The following PHACTR3 variants were observed in gnomAD, a reference collection of about 807,000 sequenced individuals.
The protein encoded by PHACTR3 is protein phosphatase 1, regulatory subunit 123.
Under a neutral mutation model 66.8 loss-of-function variants are expected in PHACTR3, and 16 were observed. The observed-to-expected ratio is 0.24, with a 90% CI of 0.16 to 0.36. The LOEUF is 0.36. Among genes scored for constraint, PHACTR3 ranks in the 10% least tolerant of loss-of-function variants. PHACTR3 has a pLI of 1.00. For missense variants in PHACTR3, 647 were observed against 719.9 expected (o/e 0.90, Z 1.16); for synonymous variants, 323 against 292.1 (o/e 1.11, Z -1.08).
At chr20:59,763,149 A>C (rs550968431) in intron 4 of PHACTR3, among the ~76,000 whole-genome samples, 1 of 152,304 alleles carries the variant, frequency 6.6e-6, no homozygotes, top group African/African-American at 2.4e-5. Flanking sequence ...CTATTCTCAC[A>C]ATAGTGAGTT....
intron 1 of PHACTR3, among the ~76,000 whole-genome samples, chr20:59,742,113 C>T (rs900661401): frequency 6.6e-6 from 1 of 152,242 alleles, no homozygotes; most frequent in East Asian, 1.9e-4. Context: ...CTCCACACAC[C>T]AGTGTGTGCC....
chr20:59,846,303 C>T (rs1016450633), intron 12 of PHACTR3, among the ~76,000 whole-genome samples: 1 of 152,054 alleles, frequency 6.6e-6, no homozygotes, highest in African/African-American at 2.4e-5. Flanking sequence ...TGGAATTCCA[C>T]CTTAACCAAT....
At chr20:59,729,786 G>T (rs1212066430) in intron 1 of PHACTR3, among the ~76,000 whole-genome samples, 2 of 152,212 alleles carry the variant, frequency 1.3e-5, no homozygotes, top group African/African-American at 4.8e-5. Context: ...CAGGCAAGGG[G>T]CCTGTGATGA....
intron 1 of PHACTR3, among the ~76,000 whole-genome samples, chr20:59,735,668 T>C (rs2038919951): frequency 6.6e-6 from 1 of 152,038 alleles, no homozygotes; most frequent in Non-Finnish European, 1.5e-5. Flanking sequence ...ATTCACAGGG[T>C]CGAGCAGGTG....
At chr20:59,749,741 T>C (rs898757354) in intron 3 of PHACTR3, among the ~76,000 whole-genome samples, 7 of 152,256 alleles carry the variant, frequency 4.6e-5, no homozygotes, top group African/African-American at 1.7e-4. Context: ...AGGGCATGGC[T>C]GTGTCCCAAG....
chr20:59,609,024 C>T (rs933240517), intron 1 of PHACTR3, among the ~76,000 whole-genome samples: 3 of 152,246 alleles, frequency 2.0e-5, no homozygotes, highest in South Asian at 4.1e-4. Flanking sequence ...AAGCCCCAGG[C>T]GCTGGTGTCT....
chr20:59,689,405 G>T (rs2037018372), intron 1 of PHACTR3, among the ~76,000 whole-genome samples: 2 of 152,218 alleles, frequency 1.3e-5, no homozygotes, highest in South Asian at 4.1e-4. Flanking sequence ...AAATGGCAGG[G>T]GCTGAGGAGT....
chr20:59,607,804 CT>C (rs1175631829), intron 1 of PHACTR3, among the ~76,000 whole-genome samples: 1 of 152,180 alleles, frequency 6.6e-6, no homozygotes, highest in African/African-American at 2.4e-5. Context: ...CTCCCTTTCC[CT>C]TTTAACACCC....
intron 7 of PHACTR3, among the ~76,000 whole-genome samples, chr20:59,776,661 T>G (rs931230146): frequency 7.2e-5 from 11 of 152,206 alleles, no homozygotes; most frequent in Non-Finnish European, 5.9e-5. Flanking sequence ...GTCATTTTAT[T>G]TAAACACAGA....
chr20:59,733,904 C>T (rs757193085), intron 1 of PHACTR3, among the ~76,000 whole-genome samples: 2 of 152,112 alleles, frequency 1.3e-5, no homozygotes, highest in East Asian at 1.9e-4. Context: ...AACAAACCTT[C>T]GTATTCCTTG....
chr20:59,687,990 A>G (rs1008000849), intron 1 of PHACTR3, among the ~76,000 whole-genome samples: 4 of 152,072 alleles, frequency 2.6e-5, no homozygotes, highest in African/African-American at 9.7e-5. Context: ...ATGTTGGATG[A>G]TTTCTCTTTT....
At chr20:59,828,608 T>C (rs754780763) in intron 8 of PHACTR3, among the ~76,000 whole-genome samples, 2 of 151,780 alleles carry the variant, frequency 1.3e-5, no homozygotes, top group Non-Finnish European at 2.9e-5. Flanking sequence ...TGCGGACCCG[T>C]GTGAGGAGAA....
chr20:59,808,096 G>T (rs1055991719), intron 8 of PHACTR3, among the ~76,000 whole-genome samples: 1 of 152,190 alleles, frequency 6.6e-6, no homozygotes, highest in African/African-American at 2.4e-5. Flanking sequence ...GAGACAGAAT[G>T]GGGGCCTTCT....
At chr20:59,733,333 A>C (rs540499575) in intron 1 of PHACTR3, among the ~76,000 whole-genome samples, 1 of 152,252 alleles carries the variant, frequency 6.6e-6, no homozygotes, top group East Asian at 1.9e-4. Context: ...TCTATTTCTA[A>C]AACTTGATTT....
At chr20:59,816,962 T>G in intron 8 of PHACTR3, among the ~76,000 whole-genome samples, 1 of 152,218 alleles carries the variant, frequency 6.6e-6, no homozygotes, top group Non-Finnish European at 1.5e-5. Flanking sequence ...TTGAACTAAA[T>G]GGCATCCTAT....
intron 1 of PHACTR3, among the ~76,000 whole-genome samples, chr20:59,578,384 G>A (rs1319371188): frequency 2.6e-5 from 4 of 152,166 alleles, no homozygotes; most frequent in East Asian, 1.9e-4. Flanking sequence ...CAGTGTTTCC[G>A]CACTGGCCCT....
At chr20:59,739,092 G>A (rs563472171) in intron 1 of PHACTR3, among the ~76,000 whole-genome samples, 7 of 152,274 alleles carry the variant, frequency 4.6e-5, no homozygotes, top group East Asian at 3.9e-4. Flanking sequence ...GAGGGTGGCC[G>A]GGAGGATCTG....
chr20:59,681,106 C>T (rs902235089), intron 1 of PHACTR3, among the ~76,000 whole-genome samples: 1 of 152,238 alleles, frequency 6.6e-6, no homozygotes, highest in Non-Finnish European at 1.5e-5. Flanking sequence ...CACTCACACC[C>T]ATTTACTTAC....
intron 1 of PHACTR3, 103 bp from the exon 2 acceptor site, chr20:59,743,004 G>T: frequency 1.5e-6 from 2 of 1,311,660 alleles, no homozygotes; most frequent in Non-Finnish European, 1.1e-6. Flanking sequence ...GCTTTGGGGG[G>T]ATCACTGGTG....
Sources: gnomAD v4.1 joint callset for allele counts (sites outside exome capture counted in the v4.1 genomes callset) on GRCh38, gnomAD v4.1.1 for gene constraint, MANE v1.5 for transcripts, NCBI Gene and HGNC (gene_info 2026-07-23, HGNC 2026-07-21) for gene names.